ZNF536: variants seen among roughly 807,000 people sequenced by gnomAD.
ZNF536 encodes the protein zinc finger protein 536.
In ZNF536, 13 loss-of-function variants were observed where a neutral mutation model predicts 84.5. The observed-to-expected ratio is 0.15, with a 90% CI of 0.10 to 0.24. The LOEUF (loss-of-function observed/expected upper bound fraction) is 0.24, where lower values mean the gene tolerates loss of function less well. Ranked by LOEUF, ZNF536 falls within the 10% of genes least tolerant of loss-of-function variation. The pLI, the probability that ZNF536 is intolerant of heterozygous loss-of-function variation, is 1.00. For synonymous variants in ZNF536, 811 were observed against 742.5 expected, an observed-to-expected ratio of 1.09 and a Z score of -1.50; for missense variants, 1,536 against 1,747.5, an observed-to-expected ratio of 0.88 and a Z score of 2.16.
chr19:30,657,950 A>G (rs1177630225), intron 1 of ZNF536, among the ~76,000 whole-genome samples: 2 of 152,148 alleles, frequency 1.3e-5, no homozygotes, highest in East Asian at 3.9e-4. Context: ...CTTCAGCTAG[A>G]AGGAACTTCT....
chr19:30,325,420 G>C (rs886325732), intron 2 of ZNF536, among the ~76,000 whole-genome samples: 1 of 152,190 alleles, frequency 6.6e-6, no homozygotes, highest in African/African-American at 2.4e-5. Flanking sequence ...CCCTTTTGGT[G>C]GTGGGCTTCT....
intron 1 of ZNF536, among the ~76,000 whole-genome samples, chr19:30,613,458 G>A (rs1219166020): frequency 6.6e-6 from 1 of 151,806 alleles, no homozygotes; most frequent in Non-Finnish European, 1.5e-5. Context: ...CTCTCCTATT[G>A]GTTATTCATT....
At chr19:30,599,033 CCCTT>C (rs1264166873) in intron 1 of ZNF536, among the ~76,000 whole-genome samples, 4 of 114,448 alleles carry the variant, frequency 3.5e-5, no homozygotes, top group East Asian at 5.9e-4. Flanking sequence ...CTCCCTCCCT[CCCTT>C]CCTTCCCTCT....
intron 1 of ZNF536, among the ~76,000 whole-genome samples, chr19:30,643,122 C>G (rs1236758130): frequency 6.6e-6 from 1 of 152,192 alleles, no homozygotes; most frequent in African/African-American, 2.4e-5. Flanking sequence ...CATCCTTTCC[C>G]AAGTTATTGG....
Position 30,614,942 on chromosome 19 carries a change from A to ATTTTTTTTTTTTTTTTTTTT in ZNF536, c.169+65431_169+65450dup. Among the ~76,000 whole-genome samples, 47 of 32,306 alleles carry ATTTTTTTTTTTTTTTTTTTT rather than the reference A, an allele frequency of 1.5e-3. 8 individuals are homozygous for ATTTTTTTTTTTTTTTTTTTT. The highest frequency in any genetic ancestry group is 3.0e-3 in the East Asian group (1 of 334). The allele number at this position is 32,306 out of a possible 152,430, so 21.2% of individuals were successfully genotyped here. A position where few individuals can be genotyped will look rare whatever the true frequency, so the allele number is the denominator to read the frequency against. On this transcript the variant is annotated intron_variant, in intron 1 of 1. Transcript: ENST00000592773. ...TTTTCTTTTATTCTCCCCCTTTTCA[A>ATTTTTTTTTTTTTTTTTTTT]TTTTTTTTTTTTTTTTTTTTTTGAG...
chr19:30,664,727 T>C (rs1438608953), intron 1 of ZNF536, among the ~76,000 whole-genome samples: 1 of 152,212 alleles, frequency 6.6e-6, no homozygotes, highest in Non-Finnish European at 1.5e-5. Context: ...AATAAAATCC[T>C]GGCCTTTGAA....
intron 1 of ZNF536, among the ~76,000 whole-genome samples, chr19:30,282,114 G>A (rs1019738337): frequency 3.3e-5 from 5 of 152,254 alleles, no homozygotes; most frequent in African/African-American, 7.2e-5. Context: ...TCCCCGACCC[G>A]CAGTGACTGT....
chr19:30,621,438 A>C (rs1458830373), intron 1 of ZNF536, among the ~76,000 whole-genome samples: 1 of 151,972 alleles, frequency 6.6e-6, no homozygotes, highest in Admixed American at 6.6e-5. Flanking sequence ...AGCTCTTCTC[A>C]GTGGGGGGAC....
intron 2 of ZNF536, among the ~76,000 whole-genome samples, chr19:30,467,853 C>T (rs187490958): frequency 6.6e-6 from 1 of 152,372 alleles, no homozygotes; most frequent in Non-Finnish European, 1.5e-5. Context: ...CAGCCCTTTC[C>T]ACAGCACCTG....
At chr19:30,647,220 C>A (rs1366310114) in intron 1 of ZNF536, among the ~76,000 whole-genome samples, 1 of 152,048 alleles carries the variant, frequency 6.6e-6, no homozygotes, top group Non-Finnish European at 1.5e-5. Flanking sequence ...CTATTTTGTC[C>A]CTGATTAGTG....
chr19:30,594,018 C>T (rs1295811890), intron 1 of ZNF536, among the ~76,000 whole-genome samples: 3 of 152,232 alleles, frequency 2.0e-5, no homozygotes, highest in Non-Finnish European at 4.4e-5. Context: ...TAGTCTCATC[C>T]TCTCTATGCC....
intron 1 of ZNF536, among the ~76,000 whole-genome samples, chr19:30,269,196 C>G (rs1737259257): frequency 6.6e-6 from 1 of 152,190 alleles, no homozygotes; most frequent in Admixed American, 6.5e-5. Flanking sequence ...GTCCCTGGAA[C>G]TCCGCAGGAA....
At chr19:30,446,271 A>AAAAAAAAAAAAAAAG (rs1555767559) in intron 2 of ZNF536, among the ~76,000 whole-genome samples, 1 of 147,160 alleles carries the variant, frequency 6.8e-6, no homozygotes, top group Non-Finnish European at 1.5e-5. Flanking sequence ...AAAAAAAAAA[A>AAAAAAAAAAAAAAAG]AAAGAAAGAA....
At chr19:30,293,063 C>T (rs537279111) in intron 2 of ZNF536, among the ~76,000 whole-genome samples, 88 of 152,236 alleles carry the variant, frequency 5.8e-4, no homozygotes, top group African/African-American at 1.8e-3. Flanking sequence ...TGGGGTGAAT[C>T]GTAGTGTAGA....
Position 30,360,667 on chromosome 19 carries a change from C to T in ZNF536, c.-3+8183C>T, listed in dbSNP as rs368134872. The stretch of plus-strand genomic sequence containing the variant: ...AGCCTGGCCTTGGAAGGAGGGAAGG[C>T]GTTTGCTGAAATGGGGACTCGGGGT... On this transcript the variant is annotated intron_variant, in intron 3 of 5. Coordinates refer to the ZNF536 transcript ENST00000585628. Among the ~76,000 whole-genome samples, 15 of 152,286 alleles carry T rather than the reference C, an allele frequency of 9.8e-5. No individual in the cohort carries two copies. In the East Asian group the frequency reaches 2.3e-3, roughly 24 times the overall value.
At chr19:30,644,557 C>A (rs975334312) in intron 1 of ZNF536, among the ~76,000 whole-genome samples, 1 of 152,106 alleles carries the variant, frequency 6.6e-6, no homozygotes, top group Non-Finnish European at 1.5e-5. Context: ...TGATGTTCCC[C>A]TTCCTGTGTC....
chr19:30,529,998 C>T (rs2044738185), intron 2 of ZNF536, among the ~76,000 whole-genome samples: 1 of 152,222 alleles, frequency 6.6e-6, no homozygotes, highest in Non-Finnish European at 1.5e-5. Context: ...GCCCAGAGCA[C>T]ACCCAGGCTG....
At chr19:30,253,752 G>T (rs528361763) in intron 1 of ZNF536, among the ~76,000 whole-genome samples, 1 of 152,208 alleles carries the variant, frequency 6.6e-6, no homozygotes, top group East Asian at 1.9e-4. Flanking sequence ...CTCCAGCCGG[G>T]CTCAGGTGAG....
At chr19:30,643,439 A>T (rs891665903) in intron 1 of ZNF536, among the ~76,000 whole-genome samples, 4 of 152,174 alleles carry the variant, frequency 2.6e-5, no homozygotes, top group African/African-American at 2.4e-5. Context: ...ATTATTTAAC[A>T]ATCACCTTGT....
Sources: gnomAD v4.1 joint callset for allele counts (sites outside exome capture counted in the v4.1 genomes callset) on GRCh38, gnomAD v4.1.1 for gene constraint, MANE v1.5 for transcripts, NCBI Gene and HGNC (gene_info 2026-07-23, HGNC 2026-07-21) for gene names.